PLEK2: variants seen among roughly 807,000 people sequenced by gnomAD.
PLEK2 encodes pleckstrin-2.
Under a neutral mutation model 43.8 loss-of-function variants are expected in PLEK2, and 29 were observed. That is an observed-to-expected ratio of 0.66 (90% confidence interval 0.49 to 0.90). The LOEUF is 0.90. Ranked by LOEUF, PLEK2 falls within the 40% of genes least tolerant of loss-of-function variation. The probability of loss-of-function intolerance (pLI) is 0.00; values close to 1 mark genes in which losing one functional copy is unlikely to be tolerated. For missense variants in PLEK2, 398 were observed against 448.1 expected (o/e 0.89, Z 1.01); for synonymous variants, 162 against 173.2 (o/e 0.94, Z 0.51).
chr14:67,398,471 T>C (rs554183413), intron 1 of PLEK2, among the ~76,000 whole-genome samples: 16 of 152,136 alleles, frequency 1.1e-4, no homozygotes, highest in Admixed American at 6.5e-5. Context: ...CCACCTAAAC[T>C]ACCCTTCTCT....
At chr14:67,410,742 T>G (rs2086110546) in intron 1 of PLEK2, among the ~76,000 whole-genome samples, 1 of 151,994 alleles carries the variant, frequency 6.6e-6, no homozygotes, top group Admixed American at 6.6e-5. Flanking sequence ...CCCTCTTCAT[T>G]CCCCTCCCAA....
intron 1 of PLEK2, among the ~76,000 whole-genome samples, chr14:67,401,453 A>G (rs78116383): frequency 0.012 from 1,821 of 152,290 alleles, 17 homozygotes; most frequent in Non-Finnish European, 0.018. Context: ...TTAATGCTAC[A>G]GTGAACCAAG....
At chr14:67,392,952 G>T in intron 4 of PLEK2, 103 bp from the exon 5 acceptor site, 1 of 1,031,984 alleles carries the variant, frequency 9.7e-7, no homozygotes, top group Non-Finnish European at 1.4e-6. Context: ...CAGCCTCAGG[G>T]CTCTACGCAA....
intron 1 of PLEK2, among the ~76,000 whole-genome samples, chr14:67,398,636 C>A (rs1169285740): frequency 1.5e-5 from 2 of 131,778 alleles, no homozygotes; most frequent in African/African-American, 6.6e-5. Flanking sequence ...CCTAAACGAC[C>A]CTTCTCTTTA....
chr14:67,390,117 G>A (rs187075092), intron 7 of PLEK2, among the ~76,000 whole-genome samples: 5 of 152,322 alleles, frequency 3.3e-5, no homozygotes, highest in Admixed American at 2.6e-4. Flanking sequence ...ACTGGAATTA[G>A]ATCCACTTAG....
chr14:67,390,387 G>A (rs945270421), intron 7 of PLEK2, among the ~76,000 whole-genome samples: 2 of 152,120 alleles, frequency 1.3e-5, no homozygotes, highest in Non-Finnish European at 2.9e-5. Context: ...AGGCTTTGGG[G>A]AAGACCAAAA....
intron 1 of PLEK2, 99 bp downstream of exon 1, chr14:67,411,919 G>C: frequency 1.8e-6 from 2 of 1,142,028 alleles, no homozygotes; most frequent in South Asian, 1.5e-5. Flanking sequence ...ATGGGAACCA[G>C]AGCATGCCCG....
chr14:67,406,258 CA>C (rs56885080), intron 1 of PLEK2, among the ~76,000 whole-genome samples: 13,462 of 106,986 alleles, frequency 0.13, 994 homozygotes, highest in African/African-American at 0.24. Flanking sequence ...GATTCCATCT[CA>C]AAAAAAAAAA....
chr14:67,398,900 T>C (rs905368451), intron 1 of PLEK2, among the ~76,000 whole-genome samples: 5 of 152,218 alleles, frequency 3.3e-5, no homozygotes, highest in African/African-American at 9.7e-5. Context: ...TCTCATACCA[T>C]TAAATTTCTG....
At chr14:67,390,039 A>C (rs2085955549) in intron 7 of PLEK2, among the ~76,000 whole-genome samples, 1 of 152,212 alleles carries the variant, frequency 6.6e-6, no homozygotes, top group Non-Finnish European at 1.5e-5. Flanking sequence ...ACAAAAACTA[A>C]TGAAAGTCAT....
chr14:67,411,920 A>G, intron 1 of PLEK2, 98 bp downstream of exon 1: 2 of 1,144,166 alleles, frequency 1.7e-6, no homozygotes, highest in Non-Finnish European at 2.5e-6. Context: ...TGGGAACCAG[A>G]GCATGCCCGT....
chr14:67,412,132 C>A lies in PLEK2; in HGVS notation c.-73G>T. On this transcript the variant is annotated 5_prime_UTR_variant, in exon 1 of 9. Coordinates refer to ENST00000216446, the MANE Select transcript of PLEK2 (RefSeq NM_016445.3). ...CTCGCGCTCCTCGGCACCCGCGCAG[C>A]CCGCGCAGTCCGCGCCCACGGCGCC... 1 of 1,312,872 alleles carries A rather than the reference C, an allele frequency of 7.6e-7. No homozygotes were observed. Among genetic ancestry groups the A allele is most frequent in the Non-Finnish European group, 9.9e-7 (1 of 1,009,446 alleles). 81.3% of individuals were successfully genotyped at this position (1,312,872 alleles called of 1,614,324 possible). A position where few individuals can be genotyped will look rare whatever the true frequency, so the allele number is the denominator to read the frequency against.
At chr14:67,402,127 C>T (rs1018728412) in intron 1 of PLEK2, among the ~76,000 whole-genome samples, 4 of 152,130 alleles carry the variant, frequency 2.6e-5, no homozygotes, top group Admixed American at 2.0e-4. Context: ...GAGGAAGAGT[C>T]CATCTCAAAC....
intron 2 of PLEK2, among the ~76,000 whole-genome samples, chr14:67,396,365 C>T (rs2086009644): frequency 6.6e-6 from 1 of 151,126 alleles, no homozygotes; most frequent in Non-Finnish European, 1.5e-5. Context: ...CCAGGCTGGT[C>T]TTGAACTCCT....
At chr14:67,403,472 C>T (rs1473986861) in intron 1 of PLEK2, among the ~76,000 whole-genome samples, 1 of 152,194 alleles carries the variant, frequency 6.6e-6, no homozygotes, top group Non-Finnish European at 1.5e-5. Context: ...TGTATGGTCC[C>T]CAGCTCTATG....
intron 1 of PLEK2, among the ~76,000 whole-genome samples, chr14:67,408,471 T>C (rs1250438418): frequency 6.6e-6 from 1 of 152,046 alleles, no homozygotes; most frequent in African/African-American, 2.4e-5. Context: ...TATTTGAAAA[T>C]AGGGTCTTTG....
In PLEK2 at chr14:67,392,709, C is replaced by G. The variant is rs778742378; in HGVS notation, c.622G>C (p.Asp208His). ...TCATCCAGGAACTGCTCGGCCAGAT[C>G]CCCAGAGCGAATGGCTCCCATGCTT... ...VRSMGAIRSG[D>H]LAEQFLDDST... Residue 208 changes from aspartate to histidine, a missense_variant, in exon 5 of 9, where the codon GAT (aspartate) becomes CAT (histidine). Physicochemically the swap from Asp to His is moderately conservative, Grantham distance 81. Coordinates refer to ENST00000216446, the MANE Select transcript of PLEK2 (RefSeq NM_016445.3). 6.2e-7 allele frequency: 1 copy of G among 1,613,986 alleles called. No homozygotes were observed. The highest frequency in any genetic ancestry group is 1.3e-5 in the African/African-American group (1 of 74,944).
intron 1 of PLEK2, among the ~76,000 whole-genome samples, chr14:67,399,994 C>G (rs572225208): frequency 6.6e-6 from 1 of 152,326 alleles, no homozygotes; most frequent in East Asian, 1.9e-4. Flanking sequence ...GTTGCCCCAA[C>G]TCACTCATTT....
intron 3 of PLEK2, 51 bp from the exon 4 acceptor site, chr14:67,393,292 T>A: frequency 7.9e-7 from 1 of 1,271,882 alleles, no homozygotes; most frequent in South Asian, 1.2e-5. Context: ...CGCGGGCAGG[T>A]ATAAGGGAGG....
Sources: gnomAD v4.1 joint callset for allele counts (sites outside exome capture counted in the v4.1 genomes callset) on GRCh38, gnomAD v4.1.1 for gene constraint, MANE v1.5 for transcripts, NCBI Gene and HGNC (gene_info 2026-07-23, HGNC 2026-07-21) for gene names.